The following MAGI2 variants were observed in gnomAD, a reference collection of about 807,000 sequenced individuals.
MAGI2 encodes membrane-associated guanylate kinase, WW and PDZ domain-containing protein 2.
Under a neutral mutation model 133.3 loss-of-function variants are expected in MAGI2, and 35 were observed. The observed-to-expected ratio is 0.26, with a 90% CI of 0.20 to 0.35. The LOEUF is 0.35. Ranked by LOEUF, MAGI2 falls within the 10% of genes least tolerant of loss-of-function variation. The pLI is 1.00. For synonymous variants in MAGI2, 729 were observed against 710.6 expected (o/e 1.03, Z -0.41); for missense variants, 1,636 against 1,863.4 (o/e 0.88, Z 2.25).
intron 21 of MAGI2, among the ~76,000 whole-genome samples, chr7:78,051,359 T>A (rs368559269): frequency 6.6e-5 from 10 of 152,340 alleles, no homozygotes; most frequent in African/African-American, 2.4e-4. Flanking sequence ...GAAATATTGT[T>A]ACTGCTGTTT....
At chr7:78,029,793 T>C (rs1233184405) in intron 21 of MAGI2, among the ~76,000 whole-genome samples, 1 of 152,258 alleles carries the variant, frequency 6.6e-6, no homozygotes, top group Non-Finnish European at 1.5e-5. Flanking sequence ...AGTCAGAGAT[T>C]TGCTCACTAG....
At chr7:79,081,984 T>C (rs1816081516) in intron 1 of MAGI2, among the ~76,000 whole-genome samples, 1 of 152,276 alleles carries the variant, frequency 6.6e-6, no homozygotes, top group African/African-American at 2.4e-5. Context: ...CATTTCTCTC[T>C]AGGAGTGGAA....
At chr7:78,565,379 C>T (rs1030337183) in intron 3 of MAGI2, among the ~76,000 whole-genome samples, 3 of 151,230 alleles carry the variant, frequency 2.0e-5, no homozygotes, top group East Asian at 2.0e-4. Flanking sequence ...GTAGGAGGAT[C>T]GTTTGAGCCC....
In MAGI2 at chr7:78,061,409, T is replaced by TACACACAC. The variant is rs59531463; in HGVS notation, c.3706+17530_3706+17537dup. 1.6e-3 allele frequency among the ~76,000 whole-genome samples: 229 copies of TACACACAC among 139,784 alleles called. 3 individuals are homozygous for TACACACAC. The highest frequency in any genetic ancestry group is 3.7e-3 in the Admixed American group (52 of 13,968). The allele number at this position is 139,784 out of a possible 152,430, so 91.7% of individuals were successfully genotyped here. A position where few individuals can be genotyped will look rare whatever the true frequency, so the allele number is the denominator to read the frequency against. On this transcript the variant is annotated intron_variant, in intron 21 of 21. Transcript: ENST00000354212. ...TATGCTCACATCTGGGGACTGGTTGTACACACACACACACACACACACACA... is the reference window on the plus strand; with the variant it reads ...TATGCTCACATCTGGGGACTGGTTGTACACACACACACACACACACACACACACACACA...
At chr7:79,212,237 A>G (rs1489342940) in intron 1 of MAGI2, among the ~76,000 whole-genome samples, 2 of 152,066 alleles carry the variant, frequency 1.3e-5, no homozygotes, top group African/African-American at 4.8e-5. Context: ...CATGGGATGC[A>G]TTTAATTGAG....
At chr7:79,410,636 C>T (rs974152396) in intron 1 of MAGI2, 2 of 152,008 alleles carry the variant, frequency 1.3e-5, no homozygotes, top group Non-Finnish European at 2.9e-5. Flanking sequence ...GACTAGCTTT[C>T]TATAAAAGCA....
intron 2 of MAGI2, among the ~76,000 whole-genome samples, chr7:78,891,859 G>A (rs904056329): frequency 6.6e-6 from 1 of 152,154 alleles, no homozygotes; most frequent in Non-Finnish European, 1.5e-5. Flanking sequence ...ATTCAACATA[G>A]TGTTGGAAGT....
At chr7:78,327,657 C>T (rs890852427) in intron 9 of MAGI2, among the ~76,000 whole-genome samples, 3 of 152,082 alleles carry the variant, frequency 2.0e-5, no homozygotes, top group African/African-American at 7.2e-5. Flanking sequence ...GTCCTGGAGT[C>T]AATTCTATGA....
intron 2 of MAGI2, among the ~76,000 whole-genome samples, chr7:78,761,293 G>A (rs964799011): frequency 8.5e-5 from 13 of 152,154 alleles, no homozygotes; most frequent in Admixed American, 2.6e-4. Flanking sequence ...CCATTCCATA[G>A]CTTGACAAAA....
At chr7:78,354,633 T>G (rs1791872993) in intron 7 of MAGI2, among the ~76,000 whole-genome samples, 1 of 152,158 alleles carries the variant, frequency 6.6e-6, no homozygotes, top group African/African-American at 2.4e-5. Flanking sequence ...CATTCAGAGA[T>G]GAGAAAAATA....
intron 2 of MAGI2, among the ~76,000 whole-genome samples, chr7:78,795,899 T>C (rs560854488): frequency 5.3e-4 from 81 of 152,216 alleles, no homozygotes; most frequent in African/African-American, 1.9e-3. Flanking sequence ...GGACAGACTG[T>C]TTAAATAAAT....
At chr7:79,088,805 A>C (rs930725232) in intron 1 of MAGI2, among the ~76,000 whole-genome samples, 2 of 152,026 alleles carry the variant, frequency 1.3e-5, no homozygotes, top group African/African-American at 4.8e-5. Context: ...TATGTGATGG[A>C]TTATGTTTAT....
intron 1 of MAGI2, among the ~76,000 whole-genome samples, chr7:79,186,465 T>C (rs895850551): frequency 1.3e-5 from 2 of 148,530 alleles, no homozygotes; most frequent in African/African-American, 4.9e-5. Context: ...CACATCAAAT[T>C]TATAAAAACA....
chr7:78,942,624 C>A (rs957915364), intron 2 of MAGI2, among the ~76,000 whole-genome samples: 18 of 152,118 alleles, frequency 1.2e-4, no homozygotes, highest in African/African-American at 4.1e-4. Flanking sequence ...CCATGGATTT[C>A]AACAAGATAA....
intron 9 of MAGI2, among the ~76,000 whole-genome samples, chr7:78,328,714 C>G (rs1250801635): frequency 1.3e-5 from 2 of 152,000 alleles, no homozygotes; most frequent in African/African-American, 2.4e-5. Flanking sequence ...AAATTTATAC[C>G]TGTGGCAATC....
chr7:78,732,571 T>C (rs141875454), intron 2 of MAGI2, among the ~76,000 whole-genome samples: 228 of 152,252 alleles, frequency 1.5e-3, no homozygotes, highest in Non-Finnish European at 2.7e-3. Flanking sequence ...ATTTTGGATA[T>C]GTGATAAAGC....
At chr7:78,824,380 T>C (rs960468954) in intron 2 of MAGI2, among the ~76,000 whole-genome samples, 2 of 152,184 alleles carry the variant, frequency 1.3e-5, no homozygotes, top group African/African-American at 4.8e-5. Context: ...TGAACTAATT[T>C]ATACTCCCAC....
intron 2 of MAGI2, among the ~76,000 whole-genome samples, chr7:78,838,345 G>C (rs1791836052): frequency 6.6e-6 from 1 of 151,978 alleles, no homozygotes; most frequent in South Asian, 2.1e-4. Context: ...TCAGGTTCAG[G>C]TTAACTTGGA....
At chr7:78,920,553 CTT>C (rs1301133317) in intron 2 of MAGI2, among the ~76,000 whole-genome samples, 24 of 152,044 alleles carry the variant, frequency 1.6e-4, no homozygotes, top group Admixed American at 1.6e-3. Flanking sequence ...CTAATAAAAA[CTT>C]AATGAATTAA....
Sources: gnomAD v4.1 joint callset for allele counts (sites outside exome capture counted in the v4.1 genomes callset) on GRCh38, gnomAD v4.1.1 for gene constraint, MANE v1.5 for transcripts, NCBI Gene and HGNC (gene_info 2026-07-23, HGNC 2026-07-21) for gene names.